HNRNPM: variants seen among roughly 807,000 people sequenced by gnomAD.
The protein encoded by HNRNPM is CEA receptor.
Under a neutral mutation model 73.1 loss-of-function variants are expected in HNRNPM, and 11 were observed. The observed-to-expected ratio is 0.15, with a 90% CI of 0.09 to 0.25. The LOEUF is 0.25. HNRNPM is among the 10% of genes least tolerant of loss of function. HNRNPM has a pLI of 1.00. For synonymous variants in HNRNPM, 407 were observed against 355.2 expected, an observed-to-expected ratio of 1.15 and a Z score of -1.64; for missense variants, 789 against 1,067.9, an observed-to-expected ratio of 0.74 and a Z score of 3.64.
chr19:8,468,768 T>C lies in HNRNPM; in HGVS notation c.835-6T>C. 1.9e-6 allele frequency: 3 copies of C among 1,612,334 alleles called. No individual in the cohort carries two copies. Among genetic ancestry groups the C allele is most frequent in the South Asian group, 2.2e-5 (2 of 91,038 alleles). ...CTGAGATTTGTTTGTTTTCTTTCTC[T>C]TTCAGGATGAGAGGGCCTTACCAAA... On this transcript the variant is annotated splice_polypyrimidine_tract_variant and splice_region_variant and intron_variant, in intron 8 of 15. Transcript: ENST00000325495.
intron 10 of HNRNPM, 50 bp from the exon 11 acceptor site, chr19:8,473,614 A>G (rs77353381): frequency 0.022 from 25,525 of 1,148,248 alleles, 658 homozygotes; most frequent in African/African-American, 0.1. Flanking sequence ...TTCAAACGTT[A>G]TTTACTGCTT....
In HNRNPM at chr19:8,488,849, G is replaced by T; in HGVS notation, c.2188G>T (p.Ala730Ser). Residue 730 changes from alanine (A) to serine (S), a missense_variant, in exon 16 of 16, where the codon GCT becomes TCT. By Grantham distance (99) the Ala-to-Ser change is moderately conservative. Coordinates refer to ENST00000325495, the MANE Select transcript of HNRNPM (RefSeq NM_005968.5). ...GATTGACGTTCGAATTGATAGAAAC[G>T]CTTAAGCAGTTGCCTTTTTTAAACA... ...REIDVRIDRN[A>S] 1.2e-6 allele frequency: 2 copies of T among 1,608,280 alleles called. No individual in the cohort carries two copies. The highest frequency in any genetic ancestry group is 1.7e-6 in the Non-Finnish European group (2 of 1,175,718).
rs962028629 is a variant in HNRNPM, at chr19:8,485,861, G to A, written c.1433G>A (p.Arg478His). The change falls in exon 14 of 16, where the codon CGC becomes CAC. Residue 478 changes from arginine to histidine, a missense_variant. By Grantham distance (29) the Arg-to-His change is conservative (BLOSUM62 0). Transcript: ENST00000325495. ...GAGCGCATGGGCCAGACCATGGAGCGCATTGGCTCTGGCGTGGAGCGCATG... is the reference window on the plus strand; with the variant it reads ...GAGCGCATGGGCCAGACCATGGAGCACATTGGCTCTGGCGTGGAGCGCATG... ...SIERMGQTME[R>H]IGSGVERMGA... The A allele has an allele frequency of 5.0e-6, 8 of 1,603,742 alleles. No homozygotes were observed. The highest frequency in any genetic ancestry group is 2.2e-5 in the South Asian group (2 of 91,062).
chr19:8,447,518 A>G lies in HNRNPM; in HGVS notation c.113+2407A>G, dbSNP rs116106162. 5.3e-3 allele frequency among the ~76,000 whole-genome samples: 813 copies of G among 152,146 alleles called. 8 individuals carry two copies. The highest frequency in any genetic ancestry group is 0.019 in the African/African-American group (783 of 41,516). On this transcript the variant is annotated intron_variant, in intron 1 of 15. Coordinates refer to ENST00000325495, the MANE Select transcript of HNRNPM (RefSeq NM_005968.5). ...ACAGGAAGACGTGTGGAAGTGGAGG[A>G]GAAGAAGATGGTTGGGGAGGGGCAG...
chr19:8,448,564 G>A (rs1282263861), intron 1 of HNRNPM, among the ~76,000 whole-genome samples: 3 of 150,386 alleles, frequency 2.0e-5, no homozygotes, highest in Non-Finnish European at 2.9e-5. Flanking sequence ...TCCGTGAACC[G>A]CTTCCCGGGT....
chr19:8,482,254 CG>C (rs1296792554), intron 12 of HNRNPM, among the ~76,000 whole-genome samples: 2 of 152,154 alleles, frequency 1.3e-5, no homozygotes, highest in Non-Finnish European at 2.9e-5. Context: ...ACTGCGCGGC[CG>C]GGGGACAGGT....
chr19:8,470,893 G>A (rs992044843), intron 9 of HNRNPM, among the ~76,000 whole-genome samples: 1 of 152,088 alleles, frequency 6.6e-6, no homozygotes, highest in African/African-American at 2.4e-5. Flanking sequence ...AGAGAGTAGT[G>A]GACACCCAGG....
Position 8,482,631 on chromosome 19 carries a change from G to T in HNRNPM, c.1121-527G>T, listed in dbSNP as rs138878444. On this transcript the variant is annotated intron_variant, in intron 12 of 15. Transcript: ENST00000325495. ...TCATTTGTTAGCGTTGAGGTTGTCCGTGGAGCTGCAGCTTTAATTTGCTCT... is the reference window on the plus strand; with the variant it reads ...TCATTTGTTAGCGTTGAGGTTGTCCTTGGAGCTGCAGCTTTAATTTGCTCT... 350 of 152,790 alleles carry T rather than the reference G, an allele frequency of 2.3e-3. 3 individuals carry two copies. Among genetic ancestry groups the T allele is most frequent in the African/African-American group, 7.9e-3 (329 of 41,514 alleles). The allele number at this position is 152,790 out of a possible 1,614,324, so 9.5% of individuals were successfully genotyped here. A position where few individuals can be genotyped will look rare whatever the true frequency, so the allele number is the denominator to read the frequency against.
intron 15 of HNRNPM, 120 bp downstream of exon 15, chr19:8,487,195 T>C (rs1264102854): frequency 4.8e-6 from 4 of 828,430 alleles, no homozygotes; most frequent in African/African-American, 1.7e-5. Flanking sequence ...GGCCTTGCCA[T>C]GTTCTGCCCA....
Position 8,464,349 on chromosome 19 carries a change from C to T in HNRNPM, c.438+663C>T, listed in dbSNP as rs142936856. Among the ~76,000 whole-genome samples the T allele has an allele frequency of 1.1e-3, 171 of 152,132 alleles. 2 individuals carry two copies. In the East Asian group the frequency reaches 0.028, roughly 25 times the overall value. On this transcript the variant is annotated intron_variant, in intron 5 of 15. Coordinates refer to ENST00000325495, the MANE Select transcript of HNRNPM (RefSeq NM_005968.5). ...AGAAGGTTTTTTTGTTGATTAAATC[C>T]CTCTTGGCTGGGCGCAGTGGCTCAC...
Position 8,485,854 on chromosome 19 carries a change from ATGGAGCGCATTGGCTCTGGCG to A in HNRNPM, c.1437_1457del (p.Ile479_Arg485del). On this transcript the variant is annotated inframe_deletion, in exon 14 of 16. Transcript: ENST00000325495. The stretch of plus-strand genomic sequence containing the variant: ...CAGCATTGAGCGCATGGGCCAGACC[ATGGAGCGCATTGGCTCTGGCG>A]TGGAGCGCATGGGTGCCGGCATGGG... 2.5e-6 allele frequency: 4 copies of A among 1,603,180 alleles called. No homozygotes were observed. The highest frequency in any genetic ancestry group is 3.4e-6 in the Non-Finnish European group (4 of 1,179,478).
intron 2 of HNRNPM, among the ~76,000 whole-genome samples, chr19:8,458,448 G>A (rs1265414260): frequency 6.6e-6 from 1 of 152,210 alleles, no homozygotes; most frequent in Non-Finnish European, 1.5e-5. Flanking sequence ...TTAGTGTCGT[G>A]CTACATTTGT....
At chr19:8,483,130 A>G in intron 12 of HNRNPM, 28 bp from the exon 13 acceptor site, 5 of 1,538,148 alleles carry the variant, frequency 3.3e-6, no homozygotes, top group Non-Finnish European at 4.5e-6. Flanking sequence ...GAATTTGGCT[A>G]ATTTTTTTTT....
chr19:8,462,641 T>A lies in HNRNPM; in HGVS notation c.336+60T>A, dbSNP rs1212970155. On this transcript the variant is annotated intron_variant, in intron 3 of 15. Coordinates refer to ENST00000325495, the MANE Select transcript of HNRNPM (RefSeq NM_005968.5). The surrounding 1 kb of genome is among the most constrained non-coding windows in gnomAD (Gnocchi z 4.5). ...CTACATGAAAAATGTAACTGTATGG[T>A]GGCGTGGAATCGAATGAAATCAGGA... 7.5e-7 allele frequency: 1 copy of A among 1,339,264 alleles called. No homozygotes were observed. Among genetic ancestry groups the A allele is most frequent in the Non-Finnish European group, 1.1e-6 (1 of 929,182 alleles). 83.0% of individuals were successfully genotyped at this position (1,339,264 alleles called of 1,614,324 possible).
chr19:8,474,801 G>A (rs1224745254), intron 12 of HNRNPM, among the ~76,000 whole-genome samples: 2 of 148,414 alleles, frequency 1.3e-5, no homozygotes, highest in Admixed American at 6.8e-5. Context: ...TGCAACCTCC[G>A]CCTCCCAGGT....
intron 13 of HNRNPM, 67 bp downstream of exon 13, chr19:8,483,278 C>A: frequency 2.3e-6 from 3 of 1,279,214 alleles, no homozygotes; most frequent in Non-Finnish European, 3.4e-6. Flanking sequence ...GACTGTAGAG[C>A]TTAGTGGTGA....
At chr19:8,468,061 C>A (rs773645500) in intron 8 of HNRNPM, among the ~76,000 whole-genome samples, 6 of 152,156 alleles carry the variant, frequency 3.9e-5, no homozygotes, top group Non-Finnish European at 5.9e-5. Flanking sequence ...ACATTTTGCT[C>A]ATGGCAGCTC....
At chr19:8,477,125 T>C (rs1476314720) in intron 12 of HNRNPM, among the ~76,000 whole-genome samples, 1 of 152,156 alleles carries the variant, frequency 6.6e-6, no homozygotes, top group Non-Finnish European at 1.5e-5. Flanking sequence ...GCACCTATCT[T>C]ACCTGACATT....
Position 8,488,270 on chromosome 19 carries a change from T to C in HNRNPM, c.2030-421T>C, listed in dbSNP as rs549711925. The C allele has an allele frequency of 2.6e-5, 4 of 156,034 alleles. No individual in the cohort carries two copies. In the East Asian group the frequency reaches 7.5e-4, roughly 29 times the overall value. The allele number at this position is 156,034 out of a possible 1,614,324, so 9.7% of individuals were successfully genotyped here. A position where few individuals can be genotyped will look rare whatever the true frequency, so the allele number is the denominator to read the frequency against. ...CGGCGTTGACACATATCTGGATGCT[T>C]AACGGGTGCTCAAATGAATAAGTGA... On this transcript the variant is annotated intron_variant, in intron 15 of 15. Transcript: ENST00000325495.
Sources: allele counts gnomAD v4.1 joint callset (sites outside exome capture counted in the v4.1 genomes callset), GRCh38; gene constraint gnomAD v4.1.1; non-coding constraint Gnocchi (gnomAD v3.1); transcripts MANE v1.5; gene names NCBI Gene and HGNC (gene_info 2026-07-23, HGNC 2026-07-21).